The following TRERF1 variants were observed in gnomAD, a reference collection of about 807,000 sequenced individuals.
TRERF1 encodes the protein transcriptional-regulating factor 1.
TRERF1 carries 27 observed loss-of-function variants against 122.9 expected under a neutral mutation model. The observed-to-expected ratio is 0.22, with a 90% confidence interval of 0.16 to 0.30. The LOEUF (loss-of-function observed/expected upper bound fraction) is 0.30, where lower values mean the gene tolerates loss of function less well. Ranked by LOEUF, TRERF1 falls within the 10% of genes least tolerant of loss-of-function variation. TRERF1 has a pLI of 1.00. For missense variants in TRERF1, 1,248 were observed against 1,560.3 expected (o/e 0.80, Z 3.37); for synonymous variants, 636 against 641.7 (o/e 0.99, Z 0.13).
At chr6:42,385,030 T>G (rs1157351296) in intron 2 of TRERF1, among the ~76,000 whole-genome samples, 1 of 152,166 alleles carries the variant, frequency 6.6e-6, no homozygotes, top group African/African-American at 2.4e-5. Flanking sequence ...CAGGCTGGAG[T>G]GCAGTGGTGC....
intron 3 of TRERF1, among the ~76,000 whole-genome samples, chr6:42,307,136 A>G (rs79992735): frequency 0.015 from 2,318 of 152,334 alleles, 56 homozygotes; most frequent in African/African-American, 0.052. Context: ...TTATATTAAT[A>G]GTAGGACCTT....
chr6:42,292,058 G>GTAA (rs1784409647), intron 4 of TRERF1, among the ~76,000 whole-genome samples: 2 of 152,160 alleles, frequency 1.3e-5, no homozygotes, highest in South Asian at 4.1e-4. Context: ...CTGTAAAACA[G>GTAA]TAATAATAAT....
At chr6:42,388,760 T>C (rs1016306921) in intron 2 of TRERF1, among the ~76,000 whole-genome samples, 1 of 152,230 alleles carries the variant, frequency 6.6e-6, no homozygotes, top group African/African-American at 2.4e-5. Context: ...TTCAGTCTCA[T>C]GCTCTATGTG....
chr6:42,283,194 G>C (rs1381164515), intron 4 of TRERF1, among the ~76,000 whole-genome samples: 1 of 152,206 alleles, frequency 6.6e-6, no homozygotes, highest in Non-Finnish European at 1.5e-5. Flanking sequence ...TGTCCAGCAG[G>C]AGAGCTGAAA....
Position 42,269,764 on chromosome 6 carries a change from C to T in TRERF1, c.-174G>A. On this transcript the variant is annotated 5_prime_UTR_variant, in exon 5 of 18. An upstream start codon of the reference 5' UTR is lost. Coordinates refer to ENST00000372922, the Ensembl canonical transcript of TRERF1. The surrounding 1 kb of genome is among the most constrained non-coding windows in gnomAD (Gnocchi z 4.9). ...GGTGTTCCTGTTGGCCTGTACCACTCATGTGCAGGGCGGGGGGTTTCACAT... is the reference window on the plus strand; with the variant it reads ...GGTGTTCCTGTTGGCCTGTACCACTTATGTGCAGGGCGGGGGGTTTCACAT... 1 of 1,437,646 alleles carries T rather than the reference C, an allele frequency of 7.0e-7. No homozygotes were observed. The highest frequency in any genetic ancestry group is 9.1e-7 in the Non-Finnish European group (1 of 1,101,414). 89.1% of individuals were successfully genotyped at this position (1,437,646 alleles called of 1,614,324 possible).
At position 42,259,641 on chromosome 6, in the gene TRERF1, T is replaced by C. The variant is rs1331239281; in HGVS notation, c.1967A>G (p.His656Arg). 5 of 1,612,624 alleles carry C rather than the reference T, an allele frequency of 3.1e-6. No individual in the cohort carries two copies. Among genetic ancestry groups the C allele is most frequent in the African/African-American group, 1.3e-5 (1 of 74,850 alleles). The change falls in exon 9 of 18, where the codon CAC becomes CGC. Residue 656 changes from histidine (H) to arginine (R), a missense_variant. Physicochemically the swap from His to Arg is conservative, Grantham distance 29 (BLOSUM62 0). Transcript: ENST00000372922. The surrounding 1 kb of genome is among the most constrained non-coding windows in gnomAD (Gnocchi z 4.9). Reference sequence around the variant, plus strand: ...CGGGATGAAGAGAGGTTCCGGCCGGTGCCGGAACTTTTTCTTCTCCTGCAC... The same window carrying C: ...CGGGATGAAGAGAGGTTCCGGCCGGCGCCGGAACTTTTTCTTCTCCTGCAC...
intron 3 of TRERF1, among the ~76,000 whole-genome samples, chr6:42,309,704 T>C (rs1787900957): frequency 6.6e-6 from 1 of 152,206 alleles, no homozygotes; most frequent in Non-Finnish European, 1.5e-5. Flanking sequence ...TGCTGTCCAA[T>C]ATGGCAGCTA....
rs6926065 is a variant in TRERF1 at position 42,307,557 on chromosome 6, C to T, written c.-370-6808G>A. ...AGCCTCAGATGGACAAGTAGAGGAG[C>T]TTTGCAGAAACTCACCCAGGGGACA... On this transcript the variant is annotated intron_variant, in intron 3 of 17. Transcript: ENST00000372922. Among the ~76,000 whole-genome samples, 614 of 152,182 alleles carry T rather than the reference C, an allele frequency of 4.0e-3. 2 individuals are homozygous for T. Among genetic ancestry groups the T allele is most frequent in the South Asian group, 7.7e-3 (37 of 4,818 alleles).
chr6:42,441,276 T>C (rs1450312953), intron 2 of TRERF1, among the ~76,000 whole-genome samples: 1 of 152,170 alleles, frequency 6.6e-6, no homozygotes, highest in African/African-American at 2.4e-5. Flanking sequence ...ATTTACTTCT[T>C]CAAGGACACA....
At chr6:42,295,938 C>T (rs969838643) in intron 4 of TRERF1, among the ~76,000 whole-genome samples, 6 of 152,094 alleles carry the variant, frequency 3.9e-5, no homozygotes, top group African/African-American at 1.2e-4. Flanking sequence ...TACAAGAGGG[C>T]GTGAAAAGTG....
chr6:42,303,948 C>T (rs1248236484), intron 3 of TRERF1, among the ~76,000 whole-genome samples: 3 of 143,334 alleles, frequency 2.1e-5, no homozygotes, highest in African/African-American at 7.8e-5. Flanking sequence ...ACAGGTTTTT[C>T]CAAAAGCACC....
At chr6:42,367,873 C>G (rs1281078719) in intron 2 of TRERF1, among the ~76,000 whole-genome samples, 1 of 152,054 alleles carries the variant, frequency 6.6e-6, no homozygotes, top group Non-Finnish European at 1.5e-5. Context: ...GCTCCCATCC[C>G]CGATCTGATC....
At chr6:42,308,474 TG>T (rs1049256242) in intron 3 of TRERF1, among the ~76,000 whole-genome samples, 7 of 151,594 alleles carry the variant, frequency 4.6e-5, no homozygotes, top group African/African-American at 7.3e-5. Context: ...GAGGGCAGAA[TG>T]GTGAGTGGGT....
chr6:42,336,180 C>T (rs1766135464), intron 3 of TRERF1, among the ~76,000 whole-genome samples: 1 of 152,182 alleles, frequency 6.6e-6, no homozygotes, highest in Admixed American at 6.5e-5. Flanking sequence ...ATGCAATAAA[C>T]ATTTATGAAA....
intron 15 of TRERF1, among the ~76,000 whole-genome samples, chr6:42,239,336 G>A (rs1773083087): frequency 6.6e-6 from 1 of 152,120 alleles, no homozygotes; most frequent in Non-Finnish European, 1.5e-5. Flanking sequence ...CTGAGTCGGG[G>A]AGCATGAGCA....
At chr6:42,430,009 C>A (rs1170416568) in intron 2 of TRERF1, among the ~76,000 whole-genome samples, 1 of 151,722 alleles carries the variant, frequency 6.6e-6, no homozygotes, top group African/African-American at 2.4e-5. Context: ...GGAAGAGCAA[C>A]CCCAGCAGAG....
intron 3 of TRERF1, among the ~76,000 whole-genome samples, chr6:42,328,004 C>CTTTTT (rs36069546): frequency 3.0e-4 from 32 of 107,990 alleles, no homozygotes; most frequent in African/African-American, 7.6e-4. Flanking sequence ...TTCTTTCTTT[C>CTTTTT]TTTTTTTTTT....
intron 3 of TRERF1, 127 bp from the exon 4 acceptor site, chr6:42,300,876 G>C (rs1473813052): frequency 2.0e-5 from 3 of 152,342 alleles, no homozygotes; most frequent in African/African-American, 7.2e-5. Context: ...CCTACTCTTA[G>C]GTAATGAGGA....
intron 2 of TRERF1, among the ~76,000 whole-genome samples, chr6:42,382,225 G>A (rs554038239): frequency 2.6e-5 from 4 of 151,664 alleles, no homozygotes; most frequent in East Asian, 2.0e-4. Flanking sequence ...GCATCCTGAC[G>A]GCACAGGAGA....
Sources: allele counts gnomAD v4.1 joint callset (sites outside exome capture counted in the v4.1 genomes callset), GRCh38; gene constraint gnomAD v4.1.1; non-coding constraint Gnocchi (gnomAD v3.1); transcripts MANE v1.5; gene names NCBI Gene and HGNC (gene_info 2026-07-23, HGNC 2026-07-21).